Variants in KYNU observed in about 807,000 individuals in gnomAD.
The protein encoded by KYNU is kynureninase.
KYNU carries 54 observed loss-of-function variants against 59.2 expected under a neutral mutation model. The ratio of observed to expected loss-of-function variants is 0.91; its 90% CI spans 0.73 to 1.14. The LOEUF is 1.14. Ranked by LOEUF, KYNU falls within the 50% of genes most tolerant of loss-of-function variation. The pLI, the probability that KYNU is intolerant of heterozygous loss-of-function variation, is 0.00. For missense variants in KYNU, 567 were observed against 554.4 expected (o/e 1.02, Z -0.23); for synonymous variants, 177 against 192.0 (o/e 0.92, Z 0.65).
At chr2:142,886,233 T>A (rs1681507069) in intron 2 of KYNU, among the ~76,000 whole-genome samples, 1 of 152,208 alleles carries the variant, frequency 6.6e-6, no homozygotes, top group Non-Finnish European at 1.5e-5. Context: ...ATGGAATTAG[T>A]CTACCAAACT....
chr2:142,978,452 A>G (rs1684951466), intron 8 of KYNU, among the ~76,000 whole-genome samples: 1 of 152,144 alleles, frequency 6.6e-6, no homozygotes, highest in Admixed American at 6.6e-5. Flanking sequence ...AGTCACAAAG[A>G]AGGTCATACT....
At chr2:143,024,302 T>C (rs1170808692) in intron 10 of KYNU, among the ~76,000 whole-genome samples, 2 of 152,006 alleles carry the variant, frequency 1.3e-5, no homozygotes, top group Admixed American at 6.5e-5. Flanking sequence ...TCCTATTTAC[T>C]GTTACCTTAA....
rs141976561 is a variant in KYNU at position 142,960,508 on chromosome 2, G to GAAA, written c.583-108_583-106dup. On this transcript the variant is annotated intron_variant, in intron 7 of 13. Coordinates refer to ENST00000264170, the MANE Select transcript of KYNU (RefSeq NM_003937.3). ...CCAGATTTTTAAAGAACCTTAATCT[G>GAAA]AAAAAAAAAACTATTTTATAATGCA... 3.5e-5 allele frequency: 27 copies of GAAA among 780,918 alleles called. No homozygotes were observed. The African/African-American group carries it at 3.8e-4, about 11-fold the overall frequency. 48.4% of individuals were successfully genotyped at this position (780,918 alleles called of 1,614,324 possible).
chr2:143,027,653 C>T (rs911853249), intron 10 of KYNU, among the ~76,000 whole-genome samples: 4 of 152,112 alleles, frequency 2.6e-5, no homozygotes, highest in Admixed American at 2.6e-4. Flanking sequence ...GCAATTTTGT[C>T]TGTCTTTTTA....
intron 10 of KYNU, among the ~76,000 whole-genome samples, chr2:142,991,545 C>T (rs1373230187): frequency 1.3e-5 from 2 of 151,814 alleles, no homozygotes; most frequent in African/African-American, 4.8e-5. Flanking sequence ...GATGACTTTC[C>T]AGCTACAACT....
intron 8 of KYNU, among the ~76,000 whole-genome samples, chr2:142,980,950 A>G (rs1685034900): frequency 6.6e-6 from 1 of 152,164 alleles, no homozygotes; most frequent in Admixed American, 6.6e-5. Flanking sequence ...TTGGAGAACC[A>G]TTAGATTTTT....
intron 4 of KYNU, among the ~76,000 whole-genome samples, chr2:142,936,909 G>A (rs1274657050): frequency 6.6e-6 from 1 of 152,140 alleles, no homozygotes; most frequent in African/African-American, 2.4e-5. Flanking sequence ...TTTTGTATTG[G>A]TTTGAAACCC....
intron 10 of KYNU, chr2:142,988,795 G>A (rs370103624): frequency 3.9e-5 from 50 of 1,292,846 alleles, no homozygotes; most frequent in Non-Finnish European, 5.4e-5. Flanking sequence ...TTCTAGCCTT[G>A]GCTCTCTATT....
chr2:142,968,019 T>C (rs1684602133), intron 8 of KYNU, among the ~76,000 whole-genome samples: 1 of 152,216 alleles, frequency 6.6e-6, no homozygotes, highest in South Asian at 2.1e-4. Context: ...GTTAAATAAG[T>C]CATCTTTACC....
At chr2:142,934,189 G>C (rs755259228) in intron 4 of KYNU, among the ~76,000 whole-genome samples, 6 of 152,170 alleles carry the variant, frequency 3.9e-5, no homozygotes, top group African/African-American at 1.4e-4. Flanking sequence ...AGGCCTATGC[G>C]AGTTGCTTGG....
At chr2:142,914,662 T>A (rs182831749) in intron 2 of KYNU, among the ~76,000 whole-genome samples, 1 of 152,374 alleles carries the variant, frequency 6.6e-6, no homozygotes, top group East Asian at 1.9e-4. Flanking sequence ...TCAAACTTTT[T>A]CATTATTATA....
intron 4 of KYNU, among the ~76,000 whole-genome samples, chr2:142,946,339 C>G (rs1683778661): frequency 1.3e-5 from 2 of 152,224 alleles, no homozygotes; most frequent in Middle Eastern, 3.4e-3. Flanking sequence ...ATGCCTAGGC[C>G]TCCCAAAGTG....
chr2:142,946,966 T>A, intron 4 of KYNU: 2 of 1,365,638 alleles, frequency 1.5e-6, no homozygotes, highest in Non-Finnish European at 2.0e-6. Context: ...ACCTTGTACT[T>A]TTTGTATTTC....
At chr2:142,969,689 G>A (rs115933981) in intron 8 of KYNU, among the ~76,000 whole-genome samples, 3,086 of 152,240 alleles carry the variant, frequency 0.02, 107 homozygotes, top group African/African-American at 0.069. Context: ...GGAAAAGCAA[G>A]CCTCCTGGTT....
In KYNU at chr2:143,054,414, G is replaced by A. The variant is rs377050679; in HGVS notation, c.*12242G>A. The A allele has an allele frequency of 2.0e-4, 31 of 152,034 alleles. No homozygotes were observed. In the East Asian group the frequency reaches 2.3e-3, roughly 11 times the overall value. The allele number at this position is 152,034 out of a possible 1,614,324, so 9.4% of individuals were successfully genotyped here. On this transcript the variant is annotated 3_prime_UTR_variant, in exon 14 of 14. Coordinates refer to ENST00000264170, the MANE Select transcript of KYNU (RefSeq NM_003937.3). ...CAGATAATATTTGATGAAGAAAATCGAATATAATCATTTTTCAATACTTAG... is the reference window on the plus strand; with the variant it reads ...CAGATAATATTTGATGAAGAAAATCAAATATAATCATTTTTCAATACTTAG...
At chr2:142,991,856 T>A (rs1685406853) in intron 10 of KYNU, among the ~76,000 whole-genome samples, 1 of 151,914 alleles carries the variant, frequency 6.6e-6, no homozygotes. Flanking sequence ...GCCCTTATTT[T>A]CATCTGATTG....
intron 11 of KYNU, among the ~76,000 whole-genome samples, chr2:143,032,412 C>G (rs1019317254): frequency 6.6e-6 from 1 of 152,152 alleles, no homozygotes; most frequent in Non-Finnish European, 1.5e-5. Context: ...CACCTCCCAT[C>G]AGGTCCCACC....
At chr2:142,939,070 C>T (rs965296237) in intron 4 of KYNU, among the ~76,000 whole-genome samples, 47 of 151,820 alleles carry the variant, frequency 3.1e-4, no homozygotes, top group Non-Finnish European at 4.9e-4. Flanking sequence ...GAGGCAGGAG[C>T]TCAGGAGGTG....
At chr2:142,976,494 A>G (rs1054471697) in intron 8 of KYNU, among the ~76,000 whole-genome samples, 1 of 152,198 alleles carries the variant, frequency 6.6e-6, no homozygotes, top group Non-Finnish European at 1.5e-5. Flanking sequence ...CAGTAGCTCT[A>G]GGACAACGGG....
Sources: gnomAD v4.1 joint callset for allele counts (sites outside exome capture counted in the v4.1 genomes callset) on GRCh38, gnomAD v4.1.1 for gene constraint, MANE v1.5 for transcripts, NCBI Gene and HGNC (gene_info 2026-07-23, HGNC 2026-07-21) for gene names.